SLC9C1: variants seen among roughly 807,000 people sequenced by gnomAD.
SLC9C1 encodes solute carrier family 9 member C1.
A neutral mutation model predicts 140.9 loss-of-function variants in SLC9C1; 97 were observed. That is an observed-to-expected ratio of 0.69 (90% CI 0.58 to 0.82). The LOEUF is 0.82. Among genes scored for constraint, SLC9C1 ranks in the 40% least tolerant of loss-of-function variants. The pLI is 0.00. For missense variants in SLC9C1, 1,340 were observed against 1,389.3 expected (o/e 0.96, Z 0.56); for synonymous variants, 440 against 442.6 (o/e 0.99, Z 0.07).
At chr3:112,231,134 CTCTT>C (rs1380494343) in intron 13 of SLC9C1, among the ~76,000 whole-genome samples, 1 of 130,082 alleles carries the variant, frequency 7.7e-6, no homozygotes, top group Admixed American at 8.1e-5. Context: ...CTCTCTCTCT[CTCTT>C]TTTCTCCCTT....
intron 26 of SLC9C1, among the ~76,000 whole-genome samples, chr3:112,163,744 T>G (rs2075377961): frequency 1.3e-5 from 2 of 152,178 alleles, no homozygotes; most frequent in African/African-American, 4.8e-5. Flanking sequence ...AAAATGTATA[T>G]TCTGTTGATT....
At chr3:112,269,802 CT>C (rs1403408875) in intron 7 of SLC9C1, 113 bp downstream of exon 7, 12 of 741,212 alleles carry the variant, frequency 1.6e-5, no homozygotes, top group Non-Finnish European at 2.3e-5. Context: ...TAAAAATATT[CT>C]GTCTAGATCA....
intron 26 of SLC9C1, among the ~76,000 whole-genome samples, chr3:112,157,033 C>A (rs2075144869): frequency 6.6e-6 from 1 of 152,046 alleles, no homozygotes; most frequent in Non-Finnish European, 1.5e-5. Flanking sequence ...TTGATATAAT[C>A]CCACTTGTTT....
intron 11 of SLC9C1, 116 bp downstream of exon 11, chr3:112,243,879 C>A (rs764685444): frequency 4.7e-6 from 3 of 634,212 alleles, no homozygotes; most frequent in Non-Finnish European, 7.6e-6. Flanking sequence ...TTTGTAGAGA[C>A]GGGGGTCTCA....
At chr3:112,258,452 G>C (rs564124805) in intron 10 of SLC9C1, among the ~76,000 whole-genome samples, 2 of 151,822 alleles carry the variant, frequency 1.3e-5, no homozygotes, top group East Asian at 3.9e-4. Flanking sequence ...TTTTGTTTTT[G>C]AGATGGAGTC....
At chr3:112,236,914 T>C (rs2079002599) in intron 12 of SLC9C1, among the ~76,000 whole-genome samples, 1 of 152,204 alleles carries the variant, frequency 6.6e-6, no homozygotes, top group African/African-American at 2.4e-5. Context: ...ATAAGTGCAG[T>C]GTGGTGCTGA....
intron 16 of SLC9C1, 41 bp downstream of exon 16, chr3:112,208,137 A>G: frequency 7.0e-7 from 1 of 1,426,130 alleles, no homozygotes; most frequent in Non-Finnish European, 9.4e-7. Flanking sequence ...TCTCCCTGTC[A>G]GACATATAAC....
chr3:112,213,954 G>A (rs1225457635), intron 15 of SLC9C1, among the ~76,000 whole-genome samples: 4 of 152,076 alleles, frequency 2.6e-5, no homozygotes, highest in Admixed American at 1.3e-4. Flanking sequence ...CCACATAGTT[G>A]GAAGTAAAGC....
intron 23 of SLC9C1, among the ~76,000 whole-genome samples, chr3:112,175,436 C>A (rs932144471): frequency 4.6e-5 from 7 of 152,084 alleles, no homozygotes; most frequent in African/African-American, 1.7e-4. Flanking sequence ...GGATCAGAGA[C>A]CTACTTAAAA....
rs555278308 is a variant in SLC9C1 at position 112,245,308 on chromosome 3, A to T, written c.1198-1232T>A. On this transcript the variant is annotated intron_variant, in intron 10 of 28. Transcript: ENST00000305815. ...CTGTTCAAATATGTTGTACGTTTTT[A>T]AAAAAATTGGGTTACCATTGTATTT... 8.9e-4 allele frequency among the ~76,000 whole-genome samples: 135 copies of T among 152,210 alleles called. 1 individual carries two copies. The highest frequency in any genetic ancestry group is 1.4e-3 in the Non-Finnish European group (97 of 67,994).
rs768221802 is a variant in SLC9C1, at chr3:112,262,928, G to C, written c.1193C>G (p.Ser398Cys). The change falls in exon 10 of 29, where the codon TCT (serine) becomes TGT (cysteine). Residue 398 changes from serine (S) to cysteine (C), a missense_variant. By Grantham distance (112) the Ser-to-Cys change is moderately radical. Coordinates refer to ENST00000305815, the MANE Select transcript of SLC9C1 (RefSeq NM_183061.3). Reference protein sequence around the residue: ...DLYFGSDKEKSQILFHGVLVC... With the variant: ...DLYFGSDKEKCQILFHGVLVC... ...AGAAAATACAGCTTTCTTTACTTGA[G>C]ATTTTTCTTTGTCAGATCCAAAATA... The C allele has an allele frequency of 7.7e-6, 12 of 1,568,478 alleles. No homozygotes were observed. Among genetic ancestry groups the C allele is most frequent in the East Asian group, 2.3e-5 (1 of 43,462 alleles).
chr3:112,143,646 T>G (rs1314022788), intron 28 of SLC9C1, among the ~76,000 whole-genome samples: 1 of 152,200 alleles, frequency 6.6e-6, no homozygotes, highest in Non-Finnish European at 1.5e-5. Context: ...CTTTGTTGGA[T>G]GCACAGTTTG....
At chr3:112,190,046 G>A (rs186806528) in intron 20 of SLC9C1, among the ~76,000 whole-genome samples, 84 of 152,248 alleles carry the variant, frequency 5.5e-4, no homozygotes, top group Non-Finnish European at 8.5e-4. Flanking sequence ...TCTGTTATTT[G>A]TGTATATGAA....
chr3:112,248,971 A>G (rs2079371601), intron 10 of SLC9C1, among the ~76,000 whole-genome samples: 1 of 151,784 alleles, frequency 6.6e-6, no homozygotes, highest in African/African-American at 2.4e-5. Context: ...TCTGGCTAGG[A>G]CTCTCAGAAC....
chr3:112,240,665 C>A (rs1471634284), intron 11 of SLC9C1, among the ~76,000 whole-genome samples: 1 of 152,188 alleles, frequency 6.6e-6, no homozygotes, highest in Admixed American at 6.5e-5. Flanking sequence ...GTTCTCAGGC[C>A]TTTGGAATGC....
intron 28 of SLC9C1, among the ~76,000 whole-genome samples, chr3:112,148,928 C>T (rs1044055451): frequency 6.6e-6 from 1 of 151,998 alleles, no homozygotes; most frequent in African/African-American, 2.4e-5. Flanking sequence ...TCTGAGTTCT[C>T]TGCACAGGGA....
intron 20 of SLC9C1, among the ~76,000 whole-genome samples, chr3:112,192,788 A>G (rs1560048408): frequency 6.6e-6 from 1 of 152,062 alleles, no homozygotes. Flanking sequence ...ATTCTCTTGT[A>G]TCCTACTGTT....
intron 10 of SLC9C1, among the ~76,000 whole-genome samples, chr3:112,249,688 A>C (rs2079393838): frequency 6.6e-6 from 1 of 152,054 alleles, no homozygotes; most frequent in African/African-American, 2.4e-5. Flanking sequence ...TGTTTCCAAT[A>C]ATTTATCTAT....
intron 10 of SLC9C1, among the ~76,000 whole-genome samples, chr3:112,252,163 A>G (rs1408167288): frequency 6.6e-6 from 1 of 152,134 alleles, no homozygotes; most frequent in Non-Finnish European, 1.5e-5. Flanking sequence ...GCTGTTACAC[A>G]GCCTTAGCCA....
Sources: gnomAD v4.1 joint callset for allele counts (sites outside exome capture counted in the v4.1 genomes callset) on GRCh38, gnomAD v4.1.1 for gene constraint, MANE v1.5 for transcripts, NCBI Gene and HGNC (gene_info 2026-07-23, HGNC 2026-07-21) for gene names.